Variants in UBE2U observed in about 807,000 individuals in gnomAD.
UBE2U encodes ubiquitin-conjugating enzyme E2 U.
UBE2U carries 39 observed loss-of-function variants against 41.2 expected under a neutral mutation model. That is an observed-to-expected ratio of 0.95 (90% CI 0.73 to 1.24). The LOEUF (loss-of-function observed/expected upper bound fraction) is 1.24, where lower values mean the gene tolerates loss of function less well. Ranked by LOEUF, UBE2U falls within the 50% of genes most tolerant of loss-of-function variation. The probability of loss-of-function intolerance (pLI) is 0.00; values close to 1 mark genes in which losing one functional copy is unlikely to be tolerated. For synonymous variants in UBE2U, 107 were observed against 117.8 expected, an observed-to-expected ratio of 0.91 and a Z score of 0.60; for missense variants, 336 against 363.1, an observed-to-expected ratio of 0.93 and a Z score of 0.61.
chr1:64,266,530 C>T (rs895054420), intron 9 of UBE2U, among the ~76,000 whole-genome samples: 2 of 152,178 alleles, frequency 1.3e-5, no homozygotes, highest in Admixed American at 6.5e-5. Flanking sequence ...TAGCACCGCA[C>T]CTGGCACAGT....
intron 3 of UBE2U, among the ~76,000 whole-genome samples, chr1:64,207,241 C>A (rs1271296267): frequency 6.6e-6 from 1 of 150,848 alleles, no homozygotes; most frequent in Non-Finnish European, 1.5e-5. Flanking sequence ...ACCTTCACCT[C>A]CCAGGTTCAA....
intron 7 of UBE2U, among the ~76,000 whole-genome samples, chr1:64,237,549 C>T (rs1314917157): frequency 6.6e-6 from 1 of 152,136 alleles, no homozygotes; most frequent in Admixed American, 6.5e-5. Context: ...TTCATTGTTT[C>T]TCTCCGATCA....
intron 7 of UBE2U, among the ~76,000 whole-genome samples, chr1:64,234,092 C>T (rs1644622122): frequency 6.6e-6 from 1 of 152,170 alleles, no homozygotes; most frequent in Non-Finnish European, 1.5e-5. Flanking sequence ...TGCTTACAGT[C>T]CAGCGATTCC....
chr1:64,226,129 T>C (rs539542650), intron 6 of UBE2U, among the ~76,000 whole-genome samples: 2 of 152,284 alleles, frequency 1.3e-5, no homozygotes, highest in Admixed American at 6.5e-5. Flanking sequence ...CCATCAACAG[T>C]TGAATGCATA....
chr1:64,213,207 A>G (rs925409237), intron 4 of UBE2U, among the ~76,000 whole-genome samples: 2 of 152,064 alleles, frequency 1.3e-5, no homozygotes, highest in East Asian at 1.9e-4. Context: ...GCTCATACTT[A>G]TATCTTCATG....
At chr1:64,228,176 G>A (rs936805488) in intron 6 of UBE2U, among the ~76,000 whole-genome samples, 7 of 152,122 alleles carry the variant, frequency 4.6e-5, no homozygotes, top group Admixed American at 2.0e-4. Context: ...ACTAGAAAAC[G>A]ACTATAACTT....
At chr1:64,250,952 C>T (rs12409117) in intron 8 of UBE2U, among the ~76,000 whole-genome samples, 32,541 of 148,888 alleles carry the variant, frequency 0.22, 3,835 homozygotes, top group Middle Eastern at 0.35. Context: ...TTAGGAGATA[C>T]ACCTAATGTT....
intron 6 of UBE2U, among the ~76,000 whole-genome samples, chr1:64,222,290 T>A (rs1652547662): frequency 6.6e-6 from 1 of 152,144 alleles, no homozygotes; most frequent in Admixed American, 6.5e-5. Context: ...ATTCAATGCA[T>A]AAAGGTGGTT....
At chr1:64,239,090 G>GAAGAAGAAAGAAGAAGAAGAAGAAGAAGA (rs1557729590) in intron 7 of UBE2U, among the ~76,000 whole-genome samples, 4 of 48,114 alleles carry the variant, frequency 8.3e-5, no homozygotes, top group African/African-American at 3.3e-4. Flanking sequence ...GGAAGAGGAA[G>GAAGAAGAAAGAAGAAGAAGAAGAAGAAGA]AGGAAGAAGA....
chr1:64,246,518 A>T (rs1644923927), intron 8 of UBE2U, among the ~76,000 whole-genome samples: 1 of 152,192 alleles, frequency 6.6e-6, no homozygotes, highest in African/African-American at 2.4e-5. Context: ...TTAAACCTTG[A>T]CTGCCATCTT....
intron 9 of UBE2U, among the ~76,000 whole-genome samples, chr1:64,263,240 G>T (rs1645206422): frequency 6.6e-6 from 1 of 151,996 alleles, no homozygotes; most frequent in African/African-American, 2.4e-5. Flanking sequence ...ATTAATTCCT[G>T]CTCCACCTAC....
chr1:64,258,889 A>T (rs975070097), intron 8 of UBE2U, among the ~76,000 whole-genome samples: 2 of 152,222 alleles, frequency 1.3e-5, no homozygotes, highest in African/African-American at 4.8e-5. Context: ...TCCTTGAGGA[A>T]TCGCCACACT....
chr1:64,249,292 C>T (rs1021372817), intron 8 of UBE2U, among the ~76,000 whole-genome samples: 7 of 146,488 alleles, frequency 4.8e-5, no homozygotes, highest in Non-Finnish European at 9.0e-5. Context: ...GCAGGAGAAT[C>T]GCTTGAACCT....
chr1:64,219,584 T>C (rs1478159803), intron 5 of UBE2U, among the ~76,000 whole-genome samples: 1 of 147,798 alleles, frequency 6.8e-6, no homozygotes. Context: ...TCTGATCCTC[T>C]AATTTTTTTT....
chr1:64,225,662 T>C (rs1366713852), intron 6 of UBE2U, among the ~76,000 whole-genome samples: 1 of 152,120 alleles, frequency 6.6e-6, no homozygotes, highest in African/African-American at 2.4e-5. Flanking sequence ...TGGGCATAGG[T>C]ATGGAGGAGG....
In UBE2U at chr1:64,239,129, GAA is replaced by G. The variant is rs1173003832; in HGVS notation, c.596-2522_596-2521del. 3.4e-4 allele frequency among the ~76,000 whole-genome samples: 9 copies of G among 26,254 alleles called. No individual in the cohort carries two copies. The East Asian group carries it at 0.019, about 54-fold the overall frequency. 17.2% of individuals were successfully genotyped at this position (26,254 alleles called of 152,430 possible). ...AGAAGAAGAAGAAGAAGAAGAAGAA[GAA>G]GAAGAAGAAGAAGAAGAAGAAGAAG... is the stretch of plus-strand genomic sequence containing the variant. On this transcript the variant is annotated intron_variant, in intron 7 of 9. Coordinates refer to ENST00000371077, the MANE Select transcript of UBE2U (RefSeq NM_001366232.2).
Position 64,206,682 on chromosome 1 carries a change from G to A in UBE2U, c.149-82G>A, listed in dbSNP as rs890096411. 4.9e-6 allele frequency: 4 copies of A among 821,880 alleles called. No individual in the cohort carries two copies. In the African/African-American group the frequency reaches 5.3e-5, roughly 11 times the overall value. The allele number at this position is 821,880 out of a possible 1,614,324, so 50.9% of individuals were successfully genotyped here. ...AAAACTGTGGAAAGACTAAACCATAGGGAGAAACTCCAGTGTTAATCAGGT... is the reference window on the plus strand; with the variant it reads ...AAAACTGTGGAAAGACTAAACCATAAGGAGAAACTCCAGTGTTAATCAGGT... On this transcript the variant is annotated intron_variant, in intron 2 of 9. Coordinates refer to ENST00000371077, the MANE Select transcript of UBE2U (RefSeq NM_001366232.2).
chr1:64,255,663 G>A (rs535738930), intron 8 of UBE2U, among the ~76,000 whole-genome samples: 43 of 152,170 alleles, frequency 2.8e-4, no homozygotes, highest in Non-Finnish European at 4.6e-4. Context: ...CAGAACTACT[G>A]AATAGGCAAA....
chr1:64,233,094 G>A (rs1270677548), intron 7 of UBE2U, among the ~76,000 whole-genome samples: 4 of 151,470 alleles, frequency 2.6e-5, no homozygotes, highest in Admixed American at 2.6e-4. Flanking sequence ...TACAAGCTCC[G>A]CCTCCCAGGT....
Sources: gnomAD v4.1 joint callset for allele counts (sites outside exome capture counted in the v4.1 genomes callset) on GRCh38, gnomAD v4.1.1 for gene constraint, MANE v1.5 for transcripts, NCBI Gene and HGNC (gene_info 2026-07-23, HGNC 2026-07-21) for gene names.